TNR: variants seen among roughly 807,000 people sequenced by gnomAD.
The protein encoded by TNR is tenascin R.
In TNR, 45 loss-of-function variants were observed where a neutral mutation model predicts 150.4. The observed-to-expected ratio is 0.30, with a 90% CI of 0.24 to 0.38. The LOEUF is 0.38. Ranked by LOEUF, TNR falls within the 10% of genes least tolerant of loss-of-function variation. The probability of loss-of-function intolerance (pLI) is 1.00; values close to 1 mark genes in which losing one functional copy is unlikely to be tolerated. For synonymous variants in TNR, 687 were observed against 678.4 expected, an observed-to-expected ratio of 1.01 and a Z score of -0.20; for missense variants, 1,544 against 1,759.1, an observed-to-expected ratio of 0.88 and a Z score of 2.19.
At chr1:175,708,137 C>T (rs145386962) in intron 1 of TNR, among the ~76,000 whole-genome samples, 7 of 151,660 alleles carry the variant, frequency 4.6e-5, no homozygotes, top group Non-Finnish European at 5.9e-5. Context: ...TTATTACTTG[C>T]CATTTACAGA....
At chr1:175,459,121 C>G (rs915587119) in intron 2 of TNR, among the ~76,000 whole-genome samples, 4 of 151,186 alleles carry the variant, frequency 2.6e-5, no homozygotes, top group African/African-American at 9.8e-5. Context: ...CCATCACCAT[C>G]CCTTCTGCCA....
chr1:175,655,185 G>A (rs1020407679), intron 1 of TNR, among the ~76,000 whole-genome samples: 1 of 152,144 alleles, frequency 6.6e-6, no homozygotes, highest in African/African-American at 2.4e-5. Flanking sequence ...TACAGCCCAT[G>A]TATACCTGAA....
In TNR at chr1:175,606,498, G is replaced by A. The variant is rs899233476; in HGVS notation, c.-164-78129C>T. On this transcript the variant is annotated intron_variant, in intron 1 of 22. Transcript: ENST00000367674. ...GACACTCTAAATTTGTCACAAATCC[G>A]TTTACACGATTTTTGGAAAGTACTT... Among the ~76,000 whole-genome samples the A allele has an allele frequency of 1.2e-4, 19 of 152,232 alleles. 1 individual carries two copies. Among genetic ancestry groups the A allele is most frequent in the East Asian group, 9.6e-4 (5 of 5,182 alleles).
chr1:175,702,412 G>A (rs2101928054), intron 1 of TNR, among the ~76,000 whole-genome samples: 1 of 152,270 alleles, frequency 6.6e-6, no homozygotes, highest in South Asian at 2.1e-4. Context: ...TTGATTTTTG[G>A]ATCCATGAGC....
At chr1:175,393,971 G>T in intron 5 of TNR, 76 bp from the exon 6 acceptor site, 1 of 1,182,378 alleles carries the variant, frequency 8.5e-7, no homozygotes, top group Non-Finnish European at 1.3e-6. Flanking sequence ...GCTTTGTCTT[G>T]GTGAACTCCC....
chr1:175,375,483 G>T (rs1421565065), intron 9 of TNR, among the ~76,000 whole-genome samples: 1 of 152,016 alleles, frequency 6.6e-6, no homozygotes, highest in African/African-American at 2.4e-5. Context: ...TAATGGGGGG[G>T]GAGTGTTTGA....
At chr1:175,658,165 C>T (rs966882479) in intron 1 of TNR, among the ~76,000 whole-genome samples, 3 of 152,004 alleles carry the variant, frequency 2.0e-5, no homozygotes, top group East Asian at 1.9e-4. Flanking sequence ...TGTACTCTCA[C>T]CCCCAGACCC....
chr1:175,695,895 T>G (rs1243499277), intron 1 of TNR, among the ~76,000 whole-genome samples: 1 of 152,236 alleles, frequency 6.6e-6, no homozygotes, highest in Non-Finnish European at 1.5e-5. Flanking sequence ...CTTATCTCTG[T>G]GTTCCCAGTG....
At position 175,673,689 on chromosome 1, in the gene TNR, C is replaced by T. The variant is rs139984092; in HGVS notation, c.-165+69537G>A. Reference sequence around the variant, plus strand: ...CAATCGAAGTGAGTAAACACTTCCCCTCATCCAGACAGAACAAGACAGCCT... The same window carrying T: ...CAATCGAAGTGAGTAAACACTTCCCTTCATCCAGACAGAACAAGACAGCCT... On this transcript the variant is annotated intron_variant, in intron 1 of 22. Coordinates refer to ENST00000367674, the MANE Select transcript of TNR (RefSeq NM_003285.3). 7.9e-3 allele frequency among the ~76,000 whole-genome samples: 1,210 copies of T among 152,332 alleles called. 42 individuals carry two copies. The highest frequency in any genetic ancestry group is 0.065 in the Admixed American group (998 of 15,310).
chr1:175,380,900 A>G (rs1652643083), intron 8 of TNR, among the ~76,000 whole-genome samples: 1 of 152,236 alleles, frequency 6.6e-6, no homozygotes, highest in Non-Finnish European at 1.5e-5. Context: ...GACTGTTTTA[A>G]TATGCAAAAG....
chr1:175,356,379 T>C lies in TNR; in HGVS notation c.3058A>G (p.Thr1020Ala), dbSNP rs779343064. ...AGAGGTCCATTGGTGGCATACATGG[T>C]GGCAGTATAGTGGGTGCTAGGAAGC... is the stretch of plus-strand genomic sequence containing the variant. ...DLLPSTHYTA[T>A]MYATNGPLTS... Residue 1020 changes from threonine (T) to alanine (A), a missense_variant, in exon 16 of 23, where the codon ACC becomes GCC. By Grantham distance (58) the Thr-to-Ala change is moderately conservative. This residue lies in a region of TNR where 1,254 missense variants were observed against 1,329.4 expected (regional missense o/e 0.94). Transcript: ENST00000367674. 6.2e-7 allele frequency: 1 copy of C among 1,614,078 alleles called. No individual in the cohort carries two copies. Among genetic ancestry groups the C allele is most frequent in the South Asian group, 1.1e-5 (1 of 91,084 alleles).
At chr1:175,408,818 C>T (rs1311046013) in intron 2 of TNR, among the ~76,000 whole-genome samples, 1 of 152,116 alleles carries the variant, frequency 6.6e-6, no homozygotes, top group Admixed American at 6.5e-5. Flanking sequence ...CCAGTTCTTC[C>T]CCTAGTCAAG....
intron 1 of TNR, among the ~76,000 whole-genome samples, chr1:175,730,860 A>G (rs896533209): frequency 2.0e-5 from 3 of 152,060 alleles, no homozygotes; most frequent in Non-Finnish European, 4.4e-5. Flanking sequence ...TGCTGCACAC[A>G]CAGGCTTTGT....
At chr1:175,598,054 G>A (rs931816703) in intron 1 of TNR, among the ~76,000 whole-genome samples, 1 of 152,056 alleles carries the variant, frequency 6.6e-6, no homozygotes, top group African/African-American at 2.4e-5. Context: ...ATTCTTTCAG[G>A]CCACTACACA....
chr1:175,455,479 C>G (rs1656532173), intron 2 of TNR, among the ~76,000 whole-genome samples: 1 of 152,186 alleles, frequency 6.6e-6, no homozygotes, highest in Non-Finnish European at 1.5e-5. Flanking sequence ...TGCTGTCTAG[C>G]AGTAGGAGCA....
intron 1 of TNR, among the ~76,000 whole-genome samples, chr1:175,718,393 C>T (rs1571785680): frequency 6.6e-6 from 1 of 152,170 alleles, no homozygotes; most frequent in Non-Finnish European, 1.5e-5. Context: ...TCGCAGCACT[C>T]GCACTAATTA....
At chr1:175,554,137 G>C (rs904881167) in intron 1 of TNR, among the ~76,000 whole-genome samples, 2 of 152,084 alleles carry the variant, frequency 1.3e-5, no homozygotes, top group Non-Finnish European at 2.9e-5. Context: ...GTTAGCTTTT[G>C]TTCTTGCTAA....
At chr1:175,445,252 A>G (rs774315236) in intron 2 of TNR, among the ~76,000 whole-genome samples, 46 of 152,202 alleles carry the variant, frequency 3.0e-4, no homozygotes, top group Non-Finnish European at 6.2e-4. Context: ...CCTGGGGGAA[A>G]GTGCGAGACT....
intron 1 of TNR, among the ~76,000 whole-genome samples, chr1:175,717,215 T>G (rs148549847): frequency 6.6e-6 from 1 of 152,212 alleles, no homozygotes; most frequent in Non-Finnish European, 1.5e-5. Context: ...GATATGTTTT[T>G]TAAAATCTCG....
Sources: gnomAD v4.1 joint callset for allele counts (sites outside exome capture counted in the v4.1 genomes callset) on GRCh38, gnomAD v4.1.1 for gene constraint, gnomAD v4.1.1 regional missense constraint, MANE v1.5 for transcripts, NCBI Gene and HGNC (gene_info 2026-07-23, HGNC 2026-07-21) for gene names.